The following ZNF98 variants were observed in gnomAD, a reference collection of about 807,000 sequenced individuals.
The protein encoded by ZNF98 is zinc finger protein 739.
Under a neutral mutation model 12.8 loss-of-function variants are expected in ZNF98, and 8 were observed. The ratio of observed to expected loss-of-function variants is 0.63; its 90% CI spans 0.37 to 1.13. ZNF98 has a LOEUF of 1.13. Among genes scored for constraint, ZNF98 ranks in the 50% most tolerant of loss-of-function variants. ZNF98 has a pLI of 0.01. For synonymous variants in ZNF98, 112 were observed against 223.5 expected, an observed-to-expected ratio of 0.50 and a Z score of 4.45; for missense variants, 379 against 666.1, an observed-to-expected ratio of 0.57 and a Z score of 4.74.
chr19:22,402,572 A>T, intron 3 of ZNF98: 1 of 499,650 alleles, frequency 2.0e-6, no homozygotes, highest in Non-Finnish European at 3.4e-6. Context: ...AACCTGAAGA[A>T]GATCACCAAA....
At chr19:22,404,612 C>T (rs1220624009) in intron 1 of ZNF98, among the ~76,000 whole-genome samples, 2 of 152,158 alleles carry the variant, frequency 1.3e-5, no homozygotes, top group African/African-American at 4.8e-5. Context: ...TGCTGATGCA[C>T]ACAGAAGGAC....
chr19:22,403,279 A>G lies in ZNF98; in HGVS notation c.157+107T>C, dbSNP rs1190824590. 4.4e-6 allele frequency: 6 copies of G among 1,356,686 alleles called. No individual in the cohort carries two copies. In the African/African-American group the frequency reaches 9.1e-5, roughly 21 times the overall value. The allele number at this position is 1,356,686 out of a possible 1,614,324, so 84.0% of individuals were successfully genotyped here. The stretch of plus-strand genomic sequence containing the variant: ...AAGTTAAAAAAAAAAAACAAAAAAA[A>G]AAAACAGAGATCTGAAAGCATAAAC... On this transcript the variant is annotated intron_variant, in intron 2 of 3. Transcript: ENST00000357774.
At position 22,391,434 on chromosome 19, in the gene ZNF98, A is replaced by G; in HGVS notation, c.*82T>C. 5 of 1,501,576 alleles carry G rather than the reference A, an allele frequency of 3.3e-6. No homozygotes were observed. Among genetic ancestry groups the G allele is most frequent in the Non-Finnish European group, 4.4e-6 (5 of 1,125,962 alleles). 93.0% of individuals were successfully genotyped at this position (1,501,576 alleles called of 1,614,324 possible). ...GTTTTGCCACACTGTTCACACTTGT[A>G]GAAGTTTTCTCCAGAATGAATTACC... On this transcript the variant is annotated 3_prime_UTR_variant, in exon 4 of 4. Transcript: ENST00000357774.
chr19:22,400,904 G>A lies in ZNF98; in HGVS notation c.253+1885C>T, dbSNP rs1969448019. Among the ~76,000 whole-genome samples, 7 of 143,356 alleles carry A rather than the reference G, an allele frequency of 4.9e-5. 1 individual carries two copies. In the South Asian group the frequency reaches 1.5e-3, roughly 31 times the overall value. 94.0% of individuals were successfully genotyped at this position (143,356 alleles called of 152,430 possible). On this transcript the variant is annotated intron_variant, in intron 3 of 3. Coordinates refer to ENST00000357774, the MANE Select transcript of ZNF98 (RefSeq NM_001098626.2). ...GGAGGTGGAGGTTGCAGTGAGCCGA[G>A]GCCGCGCCACTGCACTCCAGTCTCA...
In ZNF98 at chr19:22,401,737, A is replaced by G. The variant is rs1369446072; in HGVS notation, c.253+1052T>C. ...TGACCTCAGGTGATCCACCTGCCTC[A>G]GCCTCCCAAAGTGCAGGGATTACAG... On this transcript the variant is annotated intron_variant, in intron 3 of 3. Transcript: ENST00000357774. Among the ~76,000 whole-genome samples, 17 of 151,446 alleles carry G rather than the reference A, an allele frequency of 1.1e-4. 1 individual carries two copies. Among genetic ancestry groups the G allele is most frequent in the African/African-American group, 2.2e-4 (9 of 41,292 alleles).
intron 1 of ZNF98, among the ~76,000 whole-genome samples, chr19:22,419,464 T>G (rs1969680741): frequency 6.6e-6 from 1 of 152,140 alleles, no homozygotes; most frequent in Admixed American, 6.6e-5. Flanking sequence ...TTAATAACCT[T>G]CTTTTGTAGG....
chr19:22,403,527 A>C lies in ZNF98; in HGVS notation c.31-15T>G. On this transcript the variant is annotated splice_polypyrimidine_tract_variant and intron_variant, in intron 1 of 3. Transcript: ENST00000357774. ...GTCAACACTCCCTGAAAAACATACA[A>C]ACACACATACATATTTACCAAGTGG... The C allele has an allele frequency of 6.3e-7, 1 of 1,587,260 alleles. No individual in the cohort carries two copies. Among genetic ancestry groups the C allele is most frequent in the Non-Finnish European group, 8.5e-7 (1 of 1,172,150 alleles).
In ZNF98 at chr19:22,418,891, A is replaced by T. The variant is rs377684106; in HGVS notation, c.30+3304T>A. On this transcript the variant is annotated intron_variant, in intron 1 of 3. Coordinates refer to ENST00000357774, the MANE Select transcript of ZNF98 (RefSeq NM_001098626.2). ...AAGACTCTGCCTCAAAAAAAAGCTG[A>T]ATTTTTCTTCAGTGGTCAAAATAAA... 3.0e-4 allele frequency among the ~76,000 whole-genome samples: 46 copies of T among 152,278 alleles called. 1 individual carries two copies. Among genetic ancestry groups the T allele is most frequent in the African/African-American group, 8.4e-4 (35 of 41,560 alleles).
intron 1 of ZNF98, among the ~76,000 whole-genome samples, chr19:22,412,056 A>G (rs1969586380): frequency 6.6e-6 from 1 of 152,246 alleles, no homozygotes; most frequent in Non-Finnish European, 1.5e-5. Context: ...CCTAAACTCA[A>G]CACCTGACTA....
chr19:22,399,935 A>G (rs962126403), intron 3 of ZNF98, among the ~76,000 whole-genome samples: 4 of 152,190 alleles, frequency 2.6e-5, no homozygotes, highest in Non-Finnish European at 4.4e-5. Context: ...CTCCAAAACA[A>G]GTGCCCTTAA....
chr19:22,413,320 T>C (rs1396460521), intron 1 of ZNF98, among the ~76,000 whole-genome samples: 1 of 152,118 alleles, frequency 6.6e-6, no homozygotes, highest in Non-Finnish European at 1.5e-5. Context: ...ACAGATGACA[T>C]AATGCCGTAC....
chr19:22,419,566 T>C (rs1265693001), intron 1 of ZNF98, among the ~76,000 whole-genome samples: 1 of 152,224 alleles, frequency 6.6e-6, no homozygotes. Flanking sequence ...AAATTACGTG[T>C]GTGAAAAATT....
intron 3 of ZNF98, among the ~76,000 whole-genome samples, chr19:22,393,938 T>C (rs1305508882): frequency 6.6e-6 from 1 of 151,704 alleles, no homozygotes; most frequent in Non-Finnish European, 1.5e-5. Flanking sequence ...TCTACCCATC[T>C]GACAAAGGGC....
chr19:22,400,064 G>A, intron 3 of ZNF98, among the ~76,000 whole-genome samples: 1 of 152,108 alleles, frequency 6.6e-6, no homozygotes, highest in Non-Finnish European at 1.5e-5. Context: ...CCTGTTCTTG[G>A]CTACAGACCA....
rs1949456987 is a variant in ZNF98 at position 22,418,093 on chromosome 19, T to C, written c.30+4102A>G. On this transcript the variant is annotated intron_variant, in intron 1 of 3. Transcript: ENST00000357774. ...CAAGACATTCTCCAACACCAACTCATTGTCTAACATTTGAATTTGAATTCT... is the reference window on the plus strand; with the variant it reads ...CAAGACATTCTCCAACACCAACTCACTGTCTAACATTTGAATTTGAATTCT... Among the ~76,000 whole-genome samples the C allele has an allele frequency of 2.0e-5, 3 of 152,278 alleles. No homozygotes were observed. In the South Asian group the frequency reaches 6.2e-4, roughly 32 times the overall value.
At chr19:22,396,216 A>G (rs1969391636) in intron 3 of ZNF98, among the ~76,000 whole-genome samples, 1 of 152,208 alleles carries the variant, frequency 6.6e-6, no homozygotes, top group Non-Finnish European at 1.5e-5. Flanking sequence ...GTTAATGAAT[A>G]TACAATGTAA....
intron 3 of ZNF98, among the ~76,000 whole-genome samples, chr19:22,395,960 C>T (rs1873833728): frequency 1.3e-5 from 2 of 150,692 alleles, no homozygotes; most frequent in African/African-American, 2.4e-5. Flanking sequence ...CCAAAACAAC[C>T]AAATTCTGAA....
chr19:22,421,521 G>A (rs1239470390), intron 1 of ZNF98, among the ~76,000 whole-genome samples: 2 of 152,046 alleles, frequency 1.3e-5, no homozygotes, highest in East Asian at 1.9e-4. Flanking sequence ...ACTACATTGG[G>A]GGAAACAAAA....
intron 3 of ZNF98, among the ~76,000 whole-genome samples, chr19:22,400,259 T>G (rs774812858): frequency 6.6e-6 from 1 of 152,000 alleles, no homozygotes; most frequent in Admixed American, 6.6e-5. Context: ...TGAAGCAGTT[T>G]CATGACTCAG....
Sources: allele counts gnomAD v4.1 joint callset (sites outside exome capture counted in the v4.1 genomes callset), GRCh38; gene constraint gnomAD v4.1.1; transcripts MANE v1.5; gene names NCBI Gene and HGNC (gene_info 2026-07-23, HGNC 2026-07-21).